The following ANK3 variants were observed in gnomAD, a reference collection of about 807,000 sequenced individuals.
The protein encoded by ANK3 is ankyrin-3.
A neutral mutation model predicts 370.9 loss-of-function variants in ANK3; 57 were observed. The observed-to-expected ratio is 0.15, with a 90% CI of 0.12 to 0.19. The LOEUF is 0.19. ANK3 is among the 10% of genes least tolerant of loss of function. The pLI, the probability that ANK3 is intolerant of heterozygous loss-of-function variation, is 1.00. For synonymous variants in ANK3, 1,929 were observed against 1,946.3 expected, an observed-to-expected ratio of 0.99 and a Z score of 0.23; for missense variants, 4,439 against 5,302.1, an observed-to-expected ratio of 0.84 and a Z score of 5.06.
intron 2 of ANK3, among the ~76,000 whole-genome samples, chr10:60,551,425 C>A (rs2077085530): frequency 6.6e-6 from 1 of 152,116 alleles, no homozygotes; most frequent in East Asian, 1.9e-4. Context: ...TTAGTACACA[C>A]TGCTGACTTT....
chr10:60,285,920 T>G (rs1224511812), intron 1 of ANK3, among the ~76,000 whole-genome samples: 2 of 152,170 alleles, frequency 1.3e-5, no homozygotes, highest in Admixed American at 6.6e-5. Flanking sequence ...TCTGATTACC[T>G]TTTTTTCTTC....
chr10:60,149,645 T>C (rs1215835562), intron 23 of ANK3, among the ~76,000 whole-genome samples: 2 of 152,238 alleles, frequency 1.3e-5, no homozygotes, highest in Non-Finnish European at 2.9e-5. Context: ...CTTCTGTCTA[T>C]ATCCAGGATA....
At chr10:60,440,723 A>G (rs1291113822) in intron 2 of ANK3, among the ~76,000 whole-genome samples, 1 of 152,198 alleles carries the variant, frequency 6.6e-6, no homozygotes, top group Non-Finnish European at 1.5e-5. Flanking sequence ...AGGAATTTGC[A>G]TCTTTGTCAT....
intron 18 of ANK3, among the ~76,000 whole-genome samples, chr10:60,173,979 G>A (rs564867629): frequency 1.1e-4 from 16 of 152,110 alleles, no homozygotes; most frequent in Middle Eastern, 3.4e-3. Context: ...ATACTACCCC[G>A]CAATTTCAGA....
chr10:60,144,032 T>A (rs890299860), intron 23 of ANK3, among the ~76,000 whole-genome samples: 16 of 152,220 alleles, frequency 1.1e-4, no homozygotes, highest in African/African-American at 3.6e-4. Flanking sequence ...CCATCCTAGC[T>A]GAGGTGTCAG....
chr10:60,205,955 C>T, intron 10 of ANK3, 65 bp from the exon 11 acceptor site: 1 of 1,051,942 alleles, frequency 9.5e-7, no homozygotes, highest in Non-Finnish European at 1.5e-6. Context: ...TCACTGTGTG[C>T]AGTAAATAGT....
intron 35 of ANK3, chr10:60,081,806 G>T: frequency 9.4e-6 from 1 of 106,862 alleles, no homozygotes; most frequent in Non-Finnish European, 1.6e-5. Flanking sequence ...AGAACTTCCT[G>T]GTCCTACTCT....
chr10:60,138,839 C>T (rs994336751), intron 24 of ANK3, 125 bp downstream of exon 24: 5 of 1,284,530 alleles, frequency 3.9e-6, no homozygotes, highest in Non-Finnish European at 5.3e-6. Flanking sequence ...GAGAACATTT[C>T]GCTAAATTCA....
At chr10:60,593,869 T>C (rs1392536237) in intron 2 of ANK3, among the ~76,000 whole-genome samples, 1 of 152,200 alleles carries the variant, frequency 6.6e-6, no homozygotes, top group African/African-American at 2.4e-5. Flanking sequence ...ATGAAATGCC[T>C]GTAAGCTTTG....
chr10:60,592,228 T>A (rs1046906084), intron 2 of ANK3, among the ~76,000 whole-genome samples: 2 of 152,300 alleles, frequency 1.3e-5, no homozygotes, highest in African/African-American at 2.4e-5. Context: ...AAGCTTTTTT[T>A]AATAATTTAA....
Position 60,069,934 on chromosome 10 carries a change from C to T in ANK3, c.10947G>A (p.Gly3649=). The part of the protein sequence containing the change: ...SEGKSGDQGE[G]DKSMVTATPQ... ...GTGTGGCAGTGACCATACTTTTATC[C>T]CCTTCCCCCTGGTCCCCTGACTTCC... The change falls in exon 37 of 44, where the codon GGG becomes GGA. Residue 3649 remains glycine (G), a synonymous_variant. Transcript: ENST00000280772. The T allele has an allele frequency of 1.9e-6, 3 of 1,614,010 alleles. No individual in the cohort carries two copies. Among genetic ancestry groups the T allele is most frequent in the Non-Finnish European group, 2.5e-6 (3 of 1,179,982 alleles).
chr10:60,265,162 T>G (rs899760024), intron 5 of ANK3, among the ~76,000 whole-genome samples: 1 of 152,132 alleles, frequency 6.6e-6, no homozygotes, highest in African/African-American at 2.4e-5. Flanking sequence ...ACATTATTAC[T>G]AACTCTGTTA....
chr10:60,117,881 C>G (rs900227969), intron 25 of ANK3, among the ~76,000 whole-genome samples: 1 of 152,068 alleles, frequency 6.6e-6, no homozygotes, highest in Non-Finnish European at 1.5e-5. Flanking sequence ...ACAGGCATAA[C>G]AAGATAAGCA....
intron 2 of ANK3, among the ~76,000 whole-genome samples, chr10:60,461,504 G>C (rs1055807094): frequency 6.6e-6 from 1 of 152,232 alleles, no homozygotes; most frequent in East Asian, 1.9e-4. Flanking sequence ...GGTGAATAAA[G>C]ACGGCCAGGG....
At chr10:60,436,076 G>A (rs1450977968) in intron 2 of ANK3, among the ~76,000 whole-genome samples, 4 of 142,318 alleles carry the variant, frequency 2.8e-5, no homozygotes, top group African/African-American at 1.1e-4. Context: ...CGACAAGAAC[G>A]AGACTCCGTC....
At chr10:60,215,442 G>A (rs146251531) in intron 8 of ANK3, among the ~76,000 whole-genome samples, 364 of 152,168 alleles carry the variant, frequency 2.4e-3, no homozygotes, top group African/African-American at 8.5e-3. Flanking sequence ...CCATGCCTAC[G>A]TGCTGAATGC....
chr10:60,320,585 T>A (rs138278464), intron 1 of ANK3, among the ~76,000 whole-genome samples: 43 of 152,202 alleles, frequency 2.8e-4, no homozygotes, highest in African/African-American at 9.6e-4. Context: ...GGCAACAGAC[T>A]GAGACTCCAT....
chr10:60,269,746 C>T (rs1187126653), intron 5 of ANK3, among the ~76,000 whole-genome samples: 1 of 144,718 alleles, frequency 6.9e-6, no homozygotes, highest in East Asian at 2.1e-4. Flanking sequence ...ATTAGGTAAA[C>T]TTAAATTTGG....
intron 1 of ANK3, among the ~76,000 whole-genome samples, chr10:60,363,194 T>C (rs531482431): frequency 6.6e-6 from 1 of 152,140 alleles, no homozygotes; most frequent in Admixed American, 6.5e-5. Context: ...ATAAAGGCAC[T>C]GAATAGCTGG....
Sources: allele counts gnomAD v4.1 joint callset (sites outside exome capture counted in the v4.1 genomes callset), GRCh38; gene constraint gnomAD v4.1.1; transcripts MANE v1.5; gene names NCBI Gene and HGNC (gene_info 2026-07-23, HGNC 2026-07-21).